Variants in ADAMTS3 observed in about 807,000 individuals in gnomAD.
The protein encoded by ADAMTS3 is ADAM metallopeptidase with thrombospondin type 1 motif 3, also known as A disintegrin and metalloproteinase with thrombospondin motifs 3.
Under a neutral mutation model 129.0 loss-of-function variants are expected in ADAMTS3, and 73 were observed. That is an observed-to-expected ratio of 0.57 (90% CI 0.47 to 0.69). The LOEUF (loss-of-function observed/expected upper bound fraction) is 0.69, where lower values mean the gene tolerates loss of function less well. ADAMTS3 is among the 30% of genes least tolerant of loss of function. The probability of loss-of-function intolerance (pLI) is 0.00; values close to 1 mark genes in which losing one functional copy is unlikely to be tolerated. For synonymous variants in ADAMTS3, 477 were observed against 510.8 expected, an observed-to-expected ratio of 0.93 and a Z score of 0.89; for missense variants, 1,457 against 1,514.5, an observed-to-expected ratio of 0.96 and a Z score of 0.63.
chr4:72,308,459 C>A (rs566860036), intron 15 of ADAMTS3, among the ~76,000 whole-genome samples: 1 of 151,880 alleles, frequency 6.6e-6, no homozygotes. Flanking sequence ...ATTTACTTAA[C>A]GTAAACCATA....
At chr4:72,348,224 T>G (rs1271430335) in intron 4 of ADAMTS3, among the ~76,000 whole-genome samples, 1 of 151,864 alleles carries the variant, frequency 6.6e-6, no homozygotes, top group African/African-American at 2.4e-5. Flanking sequence ...ATAAGAACTA[T>G]CAACTAGGGT....
At chr4:72,489,238 A>G (rs1231707294) in intron 3 of ADAMTS3, among the ~76,000 whole-genome samples, 1 of 152,018 alleles carries the variant, frequency 6.6e-6, no homozygotes, top group African/African-American at 2.4e-5. Flanking sequence ...GAAAGTGCAG[A>G]CATCTCTCTG....
rs149262244 is a variant in ADAMTS3, at chr4:72,395,812, T to TTG, written c.661+19001_661+19002dup. 4.3e-3 allele frequency among the ~76,000 whole-genome samples: 642 copies of TTG among 150,452 alleles called. 3 individuals carry two copies. The highest frequency in any genetic ancestry group is 0.011 in the African/African-American group (437 of 41,072). On this transcript the variant is annotated intron_variant, in intron 4 of 21. Coordinates refer to ENST00000286657, the MANE Select transcript of ADAMTS3 (RefSeq NM_014243.3). ...TAATGTATAAATGATAGTAGTATAT[T>TTG]TGTGTGTGTGTGTGTGTGTGCATAT... is the stretch of plus-strand genomic sequence containing the variant.
intron 20 of ADAMTS3, among the ~76,000 whole-genome samples, chr4:72,289,221 G>C (rs928891012): frequency 1.3e-5 from 2 of 152,134 alleles, no homozygotes; most frequent in Non-Finnish European, 2.9e-5. Flanking sequence ...CTGACACCTA[G>C]TAAGCATATC....
intron 4 of ADAMTS3, among the ~76,000 whole-genome samples, chr4:72,356,132 C>A (rs1229267942): frequency 1.3e-5 from 2 of 151,750 alleles, no homozygotes; most frequent in Non-Finnish European, 2.9e-5. Context: ...AATGAGTGAA[C>A]AAATCAGCAG....
intron 2 of ADAMTS3, among the ~76,000 whole-genome samples, chr4:72,559,084 C>G (rs1311723076): frequency 1.3e-5 from 2 of 151,378 alleles, no homozygotes; most frequent in Non-Finnish European, 2.9e-5. Flanking sequence ...GAGAAAGATA[C>G]AAGGAAAAAG....
intron 3 of ADAMTS3, among the ~76,000 whole-genome samples, chr4:72,499,717 C>A (rs1169182309): frequency 6.6e-6 from 1 of 152,030 alleles, no homozygotes. Context: ...TACAATTGAT[C>A]CCGTCACCCA....
chr4:72,511,069 T>C (rs1720302099), intron 3 of ADAMTS3, among the ~76,000 whole-genome samples: 1 of 152,098 alleles, frequency 6.6e-6, no homozygotes. Context: ...AAACTGAATA[T>C]CCATATGCAG....
At chr4:72,513,746 T>C (rs1720377099) in intron 3 of ADAMTS3, among the ~76,000 whole-genome samples, 1 of 152,114 alleles carries the variant, frequency 6.6e-6, no homozygotes, top group African/African-American at 2.4e-5. Flanking sequence ...ATAAATATAT[T>C]GCATAATGGT....
At chr4:72,289,631 G>A (rs72653982) in intron 20 of ADAMTS3, among the ~76,000 whole-genome samples, 3,142 of 152,258 alleles carry the variant, frequency 0.021, 63 homozygotes, top group Non-Finnish European at 0.029. Flanking sequence ...AAATTTAACT[G>A]CCATTGTAAC....
intron 3 of ADAMTS3, among the ~76,000 whole-genome samples, chr4:72,522,771 G>A (rs2109745023): frequency 6.6e-6 from 1 of 152,128 alleles, no homozygotes; most frequent in African/African-American, 2.4e-5. Context: ...ATTTTTGACA[G>A]TGTTAAAAAT....
chr4:72,321,743 A>T (rs1253398936), intron 6 of ADAMTS3, among the ~76,000 whole-genome samples: 4 of 152,182 alleles, frequency 2.6e-5, no homozygotes, highest in African/African-American at 4.8e-5. Flanking sequence ...ATGGAGAACC[A>T]TCAAATTATA....
chr4:72,327,474 T>A (rs963254044), intron 5 of ADAMTS3, among the ~76,000 whole-genome samples: 4 of 152,216 alleles, frequency 2.6e-5, no homozygotes, highest in Non-Finnish European at 5.9e-5. Flanking sequence ...TTGATTCAAC[T>A]AATCCTTGAA....
chr4:72,447,077 T>C (rs1250833305), intron 3 of ADAMTS3, among the ~76,000 whole-genome samples: 2 of 151,882 alleles, frequency 1.3e-5, no homozygotes, highest in East Asian at 2.0e-4. Context: ...AGTGTCATTT[T>C]CCTCATATTC....
At chr4:72,555,745 G>A (rs1404593411) in intron 2 of ADAMTS3, among the ~76,000 whole-genome samples, 1 of 151,700 alleles carries the variant, frequency 6.6e-6, no homozygotes, top group Non-Finnish European at 1.5e-5. Flanking sequence ...CCACGTGTTA[G>A]AGGAGGAGCC....
chr4:72,478,025 A>G (rs1214270745), intron 3 of ADAMTS3, among the ~76,000 whole-genome samples: 3 of 152,204 alleles, frequency 2.0e-5, no homozygotes. Flanking sequence ...ACAAATAACA[A>G]GATCTGAAAT....
chr4:72,450,319 C>T (rs1472432894), intron 3 of ADAMTS3, among the ~76,000 whole-genome samples: 1 of 151,648 alleles, frequency 6.6e-6, no homozygotes, highest in Non-Finnish European at 1.5e-5. Context: ...CATAAGTATG[C>T]TCCAGGAGCC....
Position 72,306,050 on chromosome 4 carries a change from C to A in ADAMTS3, c.2197G>T (p.Asp733Tyr), listed in dbSNP as rs748908302. 5.6e-6 allele frequency: 9 copies of A among 1,606,414 alleles called. 1 individual carries two copies. The highest frequency in any genetic ancestry group is 4.0e-5 in the African/African-American group (3 of 74,412). ...PRKLGYLKMFDIPPGARHVLI... is the reference protein window; with the variant it reads ...PRKLGYLKMFYIPPGARHVLI... ...ACATGTCTAGCCCCAGGGGGTATAT[C>A]AAACATCTTAAGGTACCCTTTGCAT... Residue 733 changes from aspartate to tyrosine, a missense_variant, in exon 16 of 22, where the codon GAT becomes TAT. Transcript: ENST00000286657.
intron 4 of ADAMTS3, among the ~76,000 whole-genome samples, chr4:72,399,856 ATATACGTGTG>A (rs1216855760): frequency 1.8e-4 from 18 of 102,810 alleles, no homozygotes; most frequent in African/African-American, 3.9e-4. Context: ...CACGGTGTGT[ATATACGTGTG>A]TATATATACA....
Sources: allele counts gnomAD v4.1 joint callset (sites outside exome capture counted in the v4.1 genomes callset), GRCh38; gene constraint gnomAD v4.1.1; transcripts MANE v1.5; gene names NCBI Gene and HGNC (gene_info 2026-07-23, HGNC 2026-07-21).